Variants in JMJD1C observed in about 807,000 individuals in gnomAD.
The protein encoded by JMJD1C is jumonji domain containing 1C, also known as jumonji domain-containing protein 1C.
JMJD1C carries 31 observed loss-of-function variants against 245.3 expected under a neutral mutation model. That is an observed-to-expected ratio of 0.13 (90% CI 0.09 to 0.17). JMJD1C has a LOEUF of 0.17. Ranked by LOEUF, JMJD1C falls within the 10% of genes least tolerant of loss-of-function variation. JMJD1C has a pLI of 1.00. For synonymous variants in JMJD1C, 1,057 were observed against 1,017.4 expected, an observed-to-expected ratio of 1.04 and a Z score of -0.74; for missense variants, 2,691 against 3,000.2, an observed-to-expected ratio of 0.90 and a Z score of 2.41.
chr10:63,425,658 C>CAGGCACA (rs1950397649), intron 1 of JMJD1C, among the ~76,000 whole-genome samples: 1 of 152,088 alleles, frequency 6.6e-6, no homozygotes, highest in Non-Finnish European at 1.5e-5. Context: ...TTGTGCACAC[C>CAGGCACA]TGTATCCCAG....
intron 1 of JMJD1C, among the ~76,000 whole-genome samples, chr10:63,419,045 C>G (rs1351063516): frequency 1.4e-5 from 2 of 147,708 alleles, no homozygotes; most frequent in Admixed American, 7.1e-5. Context: ...CCACTGCACT[C>G]CAACCTGGGC....
intron 2 of JMJD1C, among the ~76,000 whole-genome samples, chr10:63,356,827 CT>C (rs1944884559): frequency 6.6e-6 from 1 of 152,148 alleles, no homozygotes; most frequent in Non-Finnish European, 1.5e-5. Flanking sequence ...AACATTTTCA[CT>C]TTTAACTTTA....
intron 1 of JMJD1C, among the ~76,000 whole-genome samples, chr10:63,447,218 T>C (rs770891148): frequency 5.3e-5 from 8 of 152,168 alleles, no homozygotes; most frequent in Non-Finnish European, 7.4e-5. Context: ...CAGCCTCCCA[T>C]AGAGCACATC....
intron 1 of JMJD1C, among the ~76,000 whole-genome samples, chr10:63,418,857 T>C (rs1280206747): frequency 6.6e-6 from 1 of 151,762 alleles, no homozygotes; most frequent in African/African-American, 2.4e-5. Flanking sequence ...AGGCAGGGGA[T>C]CACGAGGTCA....
chr10:63,282,254 G>A (rs1857497149), intron 2 of JMJD1C, among the ~76,000 whole-genome samples: 1 of 152,180 alleles, frequency 6.6e-6, no homozygotes, highest in African/African-American at 2.4e-5. Context: ...ATGGACAAAT[G>A]AGATACACAA....
At chr10:63,229,486 A>T (rs1849710899) in intron 3 of JMJD1C, among the ~76,000 whole-genome samples, 2 of 152,192 alleles carry the variant, frequency 1.3e-5, no homozygotes, top group Admixed American at 6.5e-5. Context: ...CTATCCATGT[A>T]ATTATTTTCT....
At chr10:63,427,570 A>T in intron 1 of JMJD1C, 1 of 1,403,780 alleles carries the variant, frequency 7.1e-7, no homozygotes, top group Non-Finnish European at 1.0e-6. Flanking sequence ...ACAGAATCAG[A>T]CCATGACCAC....
rs1400418134 is a variant in JMJD1C at position 63,452,234 on chromosome 10, TAACAAAGCAA to T, written c.168+13251_168+13260del. 3.3e-5 allele frequency among the ~76,000 whole-genome samples: 5 copies of T among 152,264 alleles called. No homozygotes were observed. In the East Asian group the frequency reaches 9.6e-4, roughly 29 times the overall value. ...AACCAGAATATGTAAAGAACTCCTA[TAACAAAGCAA>T]AACAAAACAAAACATGCTGAATCAA... is the stretch of plus-strand genomic sequence containing the variant. On this transcript the variant is annotated intron_variant, in intron 1 of 25. Transcript: ENST00000399262.
chr10:63,472,692 A>G (rs2133155872), intron 1 of JMJD1C, among the ~76,000 whole-genome samples: 1 of 152,304 alleles, frequency 6.6e-6, no homozygotes, highest in Non-Finnish European at 1.5e-5. Flanking sequence ...ATATGCTAAT[A>G]TATTTATGTT....
chr10:63,233,385 C>A (rs1850250972), intron 3 of JMJD1C, among the ~76,000 whole-genome samples: 1 of 151,988 alleles, frequency 6.6e-6, no homozygotes, highest in South Asian at 2.1e-4. Flanking sequence ...AACATTAGCA[C>A]TGATAAAATT....
chr10:63,369,499 T>C (rs1313346267), intron 2 of JMJD1C, among the ~76,000 whole-genome samples: 3 of 152,158 alleles, frequency 2.0e-5, no homozygotes, highest in Non-Finnish European at 4.4e-5. Flanking sequence ...GATACAAAAA[T>C]AGTGGTAAAT....
chr10:63,465,981 C>T (rs921309411), upstream of JMJD1C: 103 of 339,588 alleles, frequency 3.0e-4, no homozygotes, highest in African/African-American at 2.0e-3. Flanking sequence ...CAGTACTGCT[C>T]CGTCTCCCTC....
chr10:63,252,073 G>A (rs1853166962), intron 3 of JMJD1C, among the ~76,000 whole-genome samples: 1 of 152,156 alleles, frequency 6.6e-6, no homozygotes, highest in African/African-American at 2.4e-5. Flanking sequence ...CTATCCCAAT[G>A]GCTCTAAATA....
intron 1 of JMJD1C, chr10:63,521,616 C>A: frequency 7.3e-7 from 1 of 1,368,682 alleles, no homozygotes; most frequent in South Asian, 1.6e-5. Context: ...CGGCGCGAGG[C>A]CCAGGGGAGC....
intron 2 of JMJD1C, among the ~76,000 whole-genome samples, chr10:63,365,631 T>TG (rs1423729416): frequency 1.3e-5 from 2 of 152,160 alleles, no homozygotes; most frequent in Admixed American, 1.3e-4. Context: ...ATGCTAAAGA[T>TG]GGACTATTTG....
intron 2 of JMJD1C, among the ~76,000 whole-genome samples, chr10:63,370,326 G>A (rs2134424110): frequency 6.6e-6 from 1 of 152,306 alleles, no homozygotes; most frequent in East Asian, 1.9e-4. Context: ...TGTTCTTACA[G>A]AGGTTTCTCT....
intron 1 of JMJD1C, among the ~76,000 whole-genome samples, chr10:63,391,577 AC>A (rs539301838): frequency 1.1e-3 from 174 of 152,250 alleles, no homozygotes; most frequent in African/African-American, 4.0e-3. Context: ...TAAAGAAAAA[AC>A]ATCCATGAAT....
In JMJD1C at chr10:63,200,528, C is replaced by CT; in HGVS notation, c.5223dup (p.Gly1742ArgfsTer12). ...ACTGGTGAGTGAGCTGGTTCTTCTC[C>CT]TTTTTTACTGCGAATAAGTCTACAT... On this transcript the variant is annotated frameshift_variant, in exon 11 of 26. Coordinates refer to ENST00000399262, the MANE Select transcript of JMJD1C (RefSeq NM_032776.3). LOFTEE classifies it high-confidence loss of function. The CT allele has an allele frequency of 6.2e-7, 1 of 1,613,816 alleles. No individual in the cohort carries two copies. The highest frequency in any genetic ancestry group is 8.5e-7 in the Non-Finnish European group (1 of 1,179,860).
chr10:63,462,756 C>A (rs1952887377), intron 1 of JMJD1C, among the ~76,000 whole-genome samples: 1 of 152,172 alleles, frequency 6.6e-6, no homozygotes, highest in African/African-American at 2.4e-5. Flanking sequence ...AAATGGATCT[C>A]TCCTAGAATA....
Sources: gnomAD v4.1 joint callset for allele counts (sites outside exome capture counted in the v4.1 genomes callset) on GRCh38, gnomAD v4.1.1 for gene constraint, MANE v1.5 for transcripts, NCBI Gene and HGNC (gene_info 2026-07-23, HGNC 2026-07-21) for gene names.